Variants in USP32 observed in about 807,000 individuals in gnomAD.
USP32 encodes the protein ubiquitin specific peptidase 32, also known as ubiquitin carboxyl-terminal hydrolase 32.
Under a neutral mutation model 204.8 loss-of-function variants are expected in USP32, and 59 were observed. The observed-to-expected ratio is 0.29, with a 90% CI of 0.23 to 0.36. The LOEUF (loss-of-function observed/expected upper bound fraction) is 0.36, where lower values mean the gene tolerates loss of function less well. Among genes scored for constraint, USP32 ranks in the 10% least tolerant of loss-of-function variants. USP32 has a pLI of 1.00. For missense variants in USP32, 1,160 were observed against 1,946.4 expected, an observed-to-expected ratio of 0.60 and a Z score of 7.60; for synonymous variants, 517 against 678.4, an observed-to-expected ratio of 0.76 and a Z score of 3.70.
chr17:60,340,611 G>A (rs1209935734), intron 2 of USP32, among the ~76,000 whole-genome samples: 2 of 152,142 alleles, frequency 1.3e-5, no homozygotes, highest in Non-Finnish European at 2.9e-5. Flanking sequence ...GATGGGTCTT[G>A]ACTCTTTATC....
intron 1 of USP32, among the ~76,000 whole-genome samples, chr17:60,413,861 CAAAAAAAAAAAAAAG>C (rs1462005856): frequency 6.3e-5 from 2 of 31,698 alleles, no homozygotes; most frequent in African/African-American, 2.4e-4. Flanking sequence ...GATTCTGTCT[CAAAAAAAAAAAAAAG>C]AAAAAAAAAA....
At chr17:60,284,453 C>T (rs113169154) in intron 5 of USP32, among the ~76,000 whole-genome samples, 133 of 152,008 alleles carry the variant, frequency 8.7e-4, no homozygotes, top group African/African-American at 2.8e-3. Context: ...AACTCCTAAC[C>T]TTGTGATCCG....
chr17:60,208,851 T>C (rs750245177), intron 22 of USP32, 23 bp from the exon 23 acceptor site: 1 of 1,536,178 alleles, frequency 6.5e-7, no homozygotes, highest in Non-Finnish European at 8.7e-7. Flanking sequence ...AAGATGAGAA[T>C]TTTCTCTCAA....
intron 2 of USP32, among the ~76,000 whole-genome samples, chr17:60,318,302 C>A (rs1400921812): frequency 6.6e-6 from 1 of 152,146 alleles, no homozygotes; most frequent in Non-Finnish European, 1.5e-5. Flanking sequence ...AAAGTGATGA[C>A]CTTTTGGCTT....
chr17:60,304,598 G>C (rs2087675885), intron 2 of USP32, among the ~76,000 whole-genome samples: 1 of 152,100 alleles, frequency 6.6e-6, no homozygotes, highest in Non-Finnish European at 1.5e-5. Flanking sequence ...AATGTAAAGT[G>C]TCTTTATAGA....
intron 1 of USP32, among the ~76,000 whole-genome samples, chr17:60,360,821 T>C (rs377291847): frequency 6.6e-6 from 1 of 152,024 alleles, no homozygotes; most frequent in Non-Finnish European, 1.5e-5. Flanking sequence ...ATTCTTCTTC[T>C]AAATTCAAAC....
intron 2 of USP32, among the ~76,000 whole-genome samples, chr17:60,334,115 T>G (rs1255902764): frequency 6.6e-6 from 1 of 152,198 alleles, no homozygotes; most frequent in Non-Finnish European, 1.5e-5. Flanking sequence ...GCACCTCGAA[T>G]ACTTACAGTA....
In USP32 at chr17:60,185,636, C is replaced by T. The variant is rs1193600176; in HGVS notation, c.3658G>A (p.Glu1220Lys). 6.2e-7 allele frequency: 1 copy of T among 1,611,186 alleles called. No homozygotes were observed. The highest frequency in any genetic ancestry group is 1.1e-5 in the South Asian group (1 of 90,958). ...GCTCGCCGACTCTGCTCCACACTCT[C>T]ATGCTCATCTACAACCTGCAGGTAG... ...TSQERVVDEH[E>K]SVEQSRRAQA... The change falls in exon 30 of 34, where the codon GAG becomes AAG. Residue 1220 changes from glutamate (E) to lysine (K), a missense_variant. This residue lies in a region of USP32 where 160 missense variants were observed against 322.5 expected (regional missense o/e 0.50). Transcript: ENST00000300896.
intron 3 of USP32, among the ~76,000 whole-genome samples, chr17:60,298,548 A>AT (rs576464779): frequency 1.4e-4 from 21 of 151,682 alleles, no homozygotes; most frequent in African/African-American, 3.6e-4. Flanking sequence ...TATTTGTATT[A>AT]TTTTTTTTGC....
At chr17:60,358,137 T>C (rs1598282617) in intron 1 of USP32, among the ~76,000 whole-genome samples, 1 of 152,194 alleles carries the variant, frequency 6.6e-6, no homozygotes, top group African/African-American at 2.4e-5. Flanking sequence ...ATAGTATTGT[T>C]TCTACTACTT....
chr17:60,296,808 T>G (rs984923398), intron 3 of USP32, among the ~76,000 whole-genome samples: 1 of 152,156 alleles, frequency 6.6e-6, no homozygotes, highest in African/African-American at 2.4e-5. Context: ...CATGGTATTT[T>G]GTACATAAAA....
intron 2 of USP32, among the ~76,000 whole-genome samples, chr17:60,327,910 G>C (rs9907112): frequency 0.21 from 31,773 of 152,270 alleles, 8,173 homozygotes; most frequent in African/African-American, 0.61. Context: ...ACCTCAGCCC[G>C]CTTTGGACTT....
chr17:60,348,012 C>T (rs1281115347), intron 1 of USP32, among the ~76,000 whole-genome samples: 1 of 151,660 alleles, frequency 6.6e-6, no homozygotes, highest in Non-Finnish European at 1.5e-5. Flanking sequence ...GTCCCAGCTA[C>T]TTGGGAGGCT....
At chr17:60,380,369 C>G (rs1489520014) in intron 1 of USP32, among the ~76,000 whole-genome samples, 1 of 152,058 alleles carries the variant, frequency 6.6e-6, no homozygotes, top group Admixed American at 6.6e-5. Context: ...GAGTTCAAGA[C>G]CAGCCGGGGC....
At chr17:60,226,611 T>C (rs1035128682) in intron 12 of USP32, among the ~76,000 whole-genome samples, 2 of 152,166 alleles carry the variant, frequency 1.3e-5, no homozygotes, top group African/African-American at 2.4e-5. Context: ...ATGGTCAATG[T>C]AGAAAATATA....
intron 1 of USP32, among the ~76,000 whole-genome samples, chr17:60,352,214 G>T (rs2088965672): frequency 6.6e-6 from 1 of 152,100 alleles, no homozygotes; most frequent in African/African-American, 2.4e-5. Flanking sequence ...AAATGACTGG[G>T]GGGACCTCCA....
intron 1 of USP32, among the ~76,000 whole-genome samples, chr17:60,348,109 G>A (rs1485126073): frequency 1.5e-4 from 23 of 150,394 alleles, no homozygotes; most frequent in African/African-American, 5.4e-4. Flanking sequence ...GCAACAGAGC[G>A]AGACCCCGTC....
chr17:60,260,035 G>A (rs1339553341), intron 9 of USP32, among the ~76,000 whole-genome samples: 1 of 152,088 alleles, frequency 6.6e-6, no homozygotes, highest in African/African-American at 2.4e-5. Flanking sequence ...CATTAAGTGA[G>A]TACTAACTGT....
intron 4 of USP32, among the ~76,000 whole-genome samples, chr17:60,291,110 C>T (rs572431579): frequency 1.3e-5 from 2 of 152,252 alleles, no homozygotes; most frequent in East Asian, 3.9e-4. Context: ...AAGGAATTTG[C>T]CTACTGTTAT....
Sources: gnomAD v4.1 joint callset for allele counts (sites outside exome capture counted in the v4.1 genomes callset) on GRCh38, gnomAD v4.1.1 for gene constraint, gnomAD v4.1.1 regional missense constraint, MANE v1.5 for transcripts, NCBI Gene and HGNC (gene_info 2026-07-23, HGNC 2026-07-21) for gene names.